PADI6: variants seen among roughly 807,000 people sequenced by gnomAD.
PADI6 encodes the protein peptidyl arginine deiminase 6.
In PADI6, 66 loss-of-function variants were observed where a neutral mutation model predicts 78.2. That is an observed-to-expected ratio of 0.84 (90% CI 0.69 to 1.04). The LOEUF (loss-of-function observed/expected upper bound fraction) is 1.04. Among genes scored for constraint, PADI6 ranks in the 50% least tolerant of loss-of-function variants. The pLI is 0.00. For synonymous variants in PADI6, 397 were observed against 346.9 expected, an observed-to-expected ratio of 1.14 and a Z score of -1.60; for missense variants, 854 against 866.1, an observed-to-expected ratio of 0.99 and a Z score of 0.18.
chr1:17,400,390 C>T (rs2075289275), intron 15 of PADI6, among the ~76,000 whole-genome samples: 1 of 151,208 alleles, frequency 6.6e-6, no homozygotes. Context: ...GCCTGTCATC[C>T]CAGCTACTCA....
intron 15 of PADI6, 77 bp from the exon 16 acceptor site, chr1:17,401,128 G>A (rs982312040): frequency 8.7e-6 from 12 of 1,386,262 alleles, no homozygotes; most frequent in African/African-American, 8.6e-5. Flanking sequence ...TGGTCTGACC[G>A]CAGAGAGGCA....
intron 3 of PADI6, among the ~76,000 whole-genome samples, chr1:17,376,459 C>G (rs969420962): frequency 1.5e-4 from 23 of 150,484 alleles, no homozygotes; most frequent in Non-Finnish European, 3.0e-4. Context: ...GCCACCATGC[C>G]CGGCTAATTT....
chr1:17,394,536 C>G (rs1323659802), intron 11 of PADI6, 82 bp downstream of exon 11: 17 of 1,435,966 alleles, frequency 1.2e-5, no homozygotes, highest in Non-Finnish European at 1.6e-5. Flanking sequence ...CCCATAGCAC[C>G]TCAGCAGGTC....
intron 2 of PADI6, among the ~76,000 whole-genome samples, 156 bp from the exon 3 acceptor site, chr1:17,375,271 G>A (rs902534037): frequency 1.3e-5 from 2 of 152,096 alleles, no homozygotes; most frequent in Admixed American, 1.3e-4. Flanking sequence ...AGCCCTAAGC[G>A]CAGGGCTGTG....
At chr1:17,397,340 G>A (rs2075256988) in intron 14 of PADI6, among the ~76,000 whole-genome samples, 199 bp downstream of exon 14, 1 of 152,174 alleles carries the variant, frequency 6.6e-6, no homozygotes, top group African/African-American at 2.4e-5. Flanking sequence ...GGAGACTAGA[G>A]GAGTAAGGAG....
chr1:17,391,996 C>A, intron 8 of PADI6, 118 bp from the exon 9 acceptor site: 2 of 797,784 alleles, frequency 2.5e-6, no homozygotes, highest in East Asian at 2.8e-5. Flanking sequence ...ACCTCACGGG[C>A]AGGGATGTAA....
chr1:17,400,827 G>C (rs1305578689), intron 15 of PADI6, among the ~76,000 whole-genome samples: 1 of 152,150 alleles, frequency 6.6e-6, no homozygotes, highest in South Asian at 2.1e-4. Context: ...CGGCAGGGGT[G>C]AGTAACGGTA....
At chr1:17,390,064 CGAGGCAGGAGGA>C (rs2075167078) in intron 8 of PADI6, among the ~76,000 whole-genome samples, 1 of 151,138 alleles carries the variant, frequency 6.6e-6, no homozygotes, top group Non-Finnish European at 1.5e-5. Context: ...TTTGGGAGGC[CGAGGCAGGAGGA>C]TCACCTGAGG....
In PADI6 at chr1:17,395,030, T is replaced by G; in HGVS notation, c.1417T>G (p.Ser473Ala). The G allele has an allele frequency of 6.2e-7, 1 of 1,613,930 alleles. No individual in the cohort carries two copies. Among genetic ancestry groups the G allele is most frequent in the Non-Finnish European group, 8.5e-7 (1 of 1,179,930 alleles). ...GGTCCAAGCGCCGGTGGAGCTCTAC[T>G]CAGATTGGCTAATGACTGGCCACGT... is the stretch of plus-strand genomic sequence containing the variant. ...QQVQAPVELYSDWLMTGHVDE... is the reference protein window; with the variant it reads ...QQVQAPVELYADWLMTGHVDE... Residue 473 changes from serine to alanine, a missense_variant, in exon 12 of 16, where the codon TCA (serine) becomes GCA (alanine). By Grantham distance (99) the Ser-to-Ala change is moderately conservative. Coordinates refer to ENST00000619609, the MANE Select transcript of PADI6 (RefSeq NM_207421.4).
chr1:17,380,729 T>G (rs1025568055), intron 4 of PADI6, among the ~76,000 whole-genome samples: 1 of 151,836 alleles, frequency 6.6e-6, no homozygotes, highest in African/African-American at 2.4e-5. Flanking sequence ...GGTTGTGGAG[T>G]CTCCTAGATG....
chr1:17,391,452 T>C (rs183010201), intron 8 of PADI6, among the ~76,000 whole-genome samples: 4 of 152,306 alleles, frequency 2.6e-5, no homozygotes, highest in African/African-American at 4.8e-5. Context: ...ACTCCCAGTC[T>C]TAGGTGATCC....
chr1:17,386,777 A>C (rs1007677684), intron 6 of PADI6, among the ~76,000 whole-genome samples: 1 of 152,208 alleles, frequency 6.6e-6, no homozygotes, highest in East Asian at 1.9e-4. Flanking sequence ...GCAGAACTGC[A>C]GAGTCCATCG....
intron 1 of PADI6, among the ~76,000 whole-genome samples, 168 bp from the exon 2 acceptor site, chr1:17,372,888 C>CACA (rs1553151570): frequency 6.6e-6 from 1 of 151,154 alleles, no homozygotes; most frequent in African/African-American, 2.4e-5. Flanking sequence ...AGAGCAAACA[C>CACA]AGGGGTCCTT....
intron 6 of PADI6, among the ~76,000 whole-genome samples, 178 bp from the exon 7 acceptor site, chr1:17,388,203 T>A (rs1187255484): frequency 6.6e-6 from 1 of 152,252 alleles, no homozygotes; most frequent in Non-Finnish European, 1.5e-5. Flanking sequence ...TATGAACATC[T>A]GGTTGTCTAC....
chr1:17,373,021 G>A (rs1429159409), intron 1 of PADI6, 35 bp from the exon 2 acceptor site: 6 of 1,601,326 alleles, frequency 3.7e-6, no homozygotes, highest in Non-Finnish European at 5.1e-6. Context: ...GAAGGTGTTT[G>A]TGCCCTGACG....
chr1:17,373,217 C>A lies in PADI6; in HGVS notation c.278C>A (p.Ser93Tyr). Residue 93 changes from serine to tyrosine, a missense_variant, in exon 2 of 16, where the codon TCC becomes TAC. By Grantham distance (144) the Ser-to-Tyr change is moderately radical (BLOSUM62 -2). Coordinates refer to ENST00000619609, the MANE Select transcript of PADI6 (RefSeq NM_207421.4). ...ATVKMTSPSP[S>Y]VDADKVSVTY... Reference sequence around the variant, plus strand: ...GTGAAGATGACATCGCCCAGCCCTTCCGTGGATGCGGATAAGGTAAGCCTC... The same window carrying A: ...GTGAAGATGACATCGCCCAGCCCTTACGTGGATGCGGATAAGGTAAGCCTC... 1 of 1,613,936 alleles carries A rather than the reference C, an allele frequency of 6.2e-7. No homozygotes were observed. Among genetic ancestry groups the A allele is most frequent in the Non-Finnish European group, 8.5e-7 (1 of 1,179,852 alleles).
intron 2 of PADI6, among the ~76,000 whole-genome samples, chr1:17,374,626 C>CA (rs141457819): frequency 0.028 from 4,272 of 151,778 alleles, 224 homozygotes; most frequent in African/African-American, 0.096. Flanking sequence ...AACTCCATCG[C>CA]AAAAAAAGGT....
chr1:17,399,759 A>G (rs1232053283), intron 15 of PADI6, among the ~76,000 whole-genome samples: 2 of 150,670 alleles, frequency 1.3e-5, no homozygotes, highest in African/African-American at 4.9e-5. Flanking sequence ...TGCTGGGGCC[A>G]GGGTGCAGTG....
Position 17,397,410 on chromosome 1 carries a change from G to A in PADI6, c.1689+269G>A, listed in dbSNP as rs1252365065. 2.0e-5 allele frequency among the ~76,000 whole-genome samples: 3 copies of A among 152,224 alleles called. No homozygotes were observed. In the East Asian group the frequency reaches 5.8e-4, roughly 29 times the overall value. ...CTTTATGCTTGGAAGAGGGCTGGAA[G>A]TGGGTAACACAGCTTTCTATGGTGT... On this transcript the variant is annotated intron_variant, in intron 14 of 15. Transcript: ENST00000619609.
Sources: gnomAD v4.1 joint callset for allele counts (sites outside exome capture counted in the v4.1 genomes callset) on GRCh38, gnomAD v4.1.1 for gene constraint, MANE v1.5 for transcripts, NCBI Gene and HGNC (gene_info 2026-07-23, HGNC 2026-07-21) for gene names.